Variants in ADK observed in about 807,000 individuals in gnomAD.
ADK encodes the protein N6,N6-dimethyladenosine kinase.
ADK carries 24 observed loss-of-function variants against 44.7 expected under a neutral mutation model. That is an observed-to-expected ratio of 0.54 (90% CI 0.39 to 0.76). The LOEUF (loss-of-function observed/expected upper bound fraction) is 0.76. Ranked by LOEUF, ADK falls within the 30% of genes least tolerant of loss-of-function variation. The pLI is 0.00. For synonymous variants in ADK, 128 were observed against 142.6 expected (o/e 0.90, Z 0.73); for missense variants, 321 against 425.1 (o/e 0.76, Z 2.15).
At chr10:74,317,676 A>G (rs1319436095) in intron 4 of ADK, among the ~76,000 whole-genome samples, 1 of 152,166 alleles carries the variant, frequency 6.6e-6, no homozygotes, top group Admixed American at 6.5e-5. Flanking sequence ...TTAACAAAAT[A>G]TGGGACCAAA....
chr10:74,211,821 G>A (rs1843822281), intron 2 of ADK, among the ~76,000 whole-genome samples: 1 of 151,970 alleles, frequency 6.6e-6, no homozygotes, highest in African/African-American at 2.4e-5. Flanking sequence ...TAGGTTTATT[G>A]TAAAATTTTA....
At chr10:74,434,364 A>C (rs150748509) in intron 6 of ADK, among the ~76,000 whole-genome samples, 351 of 152,296 alleles carry the variant, frequency 2.3e-3, no homozygotes, top group South Asian at 3.9e-3. Flanking sequence ...TGAAATATAA[A>C]ATTTGAGACT....
chr10:74,327,421 A>G (rs1168980852), intron 4 of ADK, among the ~76,000 whole-genome samples: 22 of 152,196 alleles, frequency 1.4e-4, no homozygotes, highest in Non-Finnish European at 1.5e-5. Flanking sequence ...TATGTACTCT[A>G]TCCTGAAGCA....
At chr10:74,663,234 C>CA (rs199865584) in intron 9 of ADK, among the ~76,000 whole-genome samples, 1,311 of 129,260 alleles carry the variant, frequency 0.01, 13 homozygotes, top group East Asian at 0.036. Context: ...GATGCTATCT[C>CA]AAAAAAAAAA....
At chr10:74,425,500 A>G (rs1388360621) in intron 6 of ADK, among the ~76,000 whole-genome samples, 5 of 152,008 alleles carry the variant, frequency 3.3e-5, no homozygotes, top group Admixed American at 3.3e-4. Context: ...AATATTTTAA[A>G]GCTGGCTGTC....
At chr10:74,513,137 T>A (rs1848413673) in intron 6 of ADK, among the ~76,000 whole-genome samples, 1 of 152,158 alleles carries the variant, frequency 6.6e-6, no homozygotes, top group South Asian at 2.1e-4. Flanking sequence ...GATATTTTGA[T>A]CCTTTAAGAA....
intron 9 of ADK, among the ~76,000 whole-genome samples, chr10:74,668,641 C>G (rs1855059576): frequency 6.6e-6 from 1 of 152,182 alleles, no homozygotes; most frequent in Non-Finnish European, 1.5e-5. Context: ...GAGGCTGAGG[C>G]AGGAGAATTA....
At chr10:74,610,022 A>G (rs981450731) in intron 9 of ADK, among the ~76,000 whole-genome samples, 1 of 152,136 alleles carries the variant, frequency 6.6e-6, no homozygotes, top group African/African-American at 2.4e-5. Context: ...AGTGCTGGGC[A>G]CTGAAGAATA....
intron 6 of ADK, among the ~76,000 whole-genome samples, chr10:74,415,970 G>C (rs1372996494): frequency 6.6e-6 from 1 of 150,626 alleles, no homozygotes; most frequent in Non-Finnish European, 1.5e-5. Context: ...AGTCTTTTAA[G>C]CTTTTGCTCA....
At chr10:74,173,198 C>T (rs554849672) in intron 1 of ADK, among the ~76,000 whole-genome samples, 174 of 150,086 alleles carry the variant, frequency 1.2e-3, no homozygotes, top group African/African-American at 4.0e-3. Flanking sequence ...TCACACCATT[C>T]TCCTGCCTCA....
At chr10:74,224,460 C>A in intron 2 of ADK, 78 bp from the exon 3 acceptor site, 2 of 1,117,822 alleles carry the variant, frequency 1.8e-6, no homozygotes, top group Non-Finnish European at 2.7e-6. Flanking sequence ...TGTTGGAGTG[C>A]TTGTTTTGAA....
At chr10:74,155,746 G>A (rs1841729636) in intron 1 of ADK, among the ~76,000 whole-genome samples, 1 of 151,970 alleles carries the variant, frequency 6.6e-6, no homozygotes, top group Non-Finnish European at 1.5e-5. Flanking sequence ...TGTTAGCCGG[G>A]ATGGTCTTGA....
intron 8 of ADK, among the ~76,000 whole-genome samples, chr10:74,592,159 T>A (rs945656711): frequency 8.5e-5 from 13 of 152,060 alleles, no homozygotes; most frequent in African/African-American, 2.7e-4. Context: ...GAGGATTTTT[T>A]TATATATATA....
intron 6 of ADK, among the ~76,000 whole-genome samples, chr10:74,439,260 T>C (rs144797035): frequency 3.2e-3 from 488 of 152,318 alleles, no homozygotes; most frequent in Non-Finnish European, 5.0e-3. Flanking sequence ...CCTTAGCAAG[T>C]AGCTTTCAAC....
At chr10:74,521,386 C>A in intron 6 of ADK, among the ~76,000 whole-genome samples, 1 of 152,136 alleles carries the variant, frequency 6.6e-6, no homozygotes, top group East Asian at 1.9e-4. Context: ...ACACACACAG[C>A]ATACATACAT....
At chr10:74,623,870 T>C (rs1853087974) in intron 9 of ADK, among the ~76,000 whole-genome samples, 1 of 152,092 alleles carries the variant, frequency 6.6e-6, no homozygotes, top group Non-Finnish European at 1.5e-5. Flanking sequence ...TTACCAAATG[T>C]TTTTCAGAAT....
chr10:74,243,226 T>C (rs1197876877), intron 3 of ADK, among the ~76,000 whole-genome samples: 3 of 152,176 alleles, frequency 2.0e-5, no homozygotes, highest in Non-Finnish European at 4.4e-5. Flanking sequence ...CTGTGGGACC[T>C]GCATGGAGCT....
intron 7 of ADK, among the ~76,000 whole-genome samples, chr10:74,587,345 C>T (rs1057021706): frequency 2.6e-5 from 4 of 152,168 alleles, no homozygotes; most frequent in African/African-American, 9.7e-5. Context: ...TCTACATGAA[C>T]TAAGGGTAAC....
intron 10 of ADK, among the ~76,000 whole-genome samples, chr10:74,687,287 A>G (rs1855828468): frequency 6.6e-6 from 1 of 152,102 alleles, no homozygotes; most frequent in Non-Finnish European, 1.5e-5. Flanking sequence ...AATCCTACTC[A>G]GCTGCATTAC....
Sources: gnomAD v4.1 joint callset for allele counts (sites outside exome capture counted in the v4.1 genomes callset) on GRCh38, gnomAD v4.1.1 for gene constraint, MANE v1.5 for transcripts, NCBI Gene and HGNC (gene_info 2026-07-23, HGNC 2026-07-21) for gene names.